Variants in ACTR5 observed in about 807,000 individuals in gnomAD.
ACTR5 encodes actin-related protein 5.
A neutral mutation model predicts 61.2 loss-of-function variants in ACTR5; 43 were observed. That is an observed-to-expected ratio of 0.70 (90% CI 0.55 to 0.91). The LOEUF is 0.91. Among genes scored for constraint, ACTR5 ranks in the 40% least tolerant of loss-of-function variants. ACTR5 has a pLI of 0.00. For missense variants in ACTR5, 798 were observed against 782.2 expected, an observed-to-expected ratio of 1.02 and a Z score of -0.24; for synonymous variants, 333 against 310.5, an observed-to-expected ratio of 1.07 and a Z score of -0.76.
intron 5 of ACTR5, among the ~76,000 whole-genome samples, chr20:38,757,065 A>G (rs1457087252): frequency 2.0e-5 from 3 of 152,312 alleles, no homozygotes; most frequent in South Asian, 4.1e-4. Context: ...AGCTAGGACT[A>G]CAGGTGAACG....
chr20:38,767,360 T>G, intron 7 of ACTR5, 104 bp from the exon 8 acceptor site: 6 of 1,009,416 alleles, frequency 5.9e-6, no homozygotes, highest in Non-Finnish European at 2.7e-6. Context: ...TAGCTTTTTG[T>G]GTAGAAGTTT....
chr20:38,769,590 G>A (rs1429558385), intron 8 of ACTR5, among the ~76,000 whole-genome samples: 2 of 152,248 alleles, frequency 1.3e-5, no homozygotes, highest in Non-Finnish European at 2.9e-5. Flanking sequence ...AGGATAGTAC[G>A]TTCCATTTCC....
intron 5 of ACTR5, chr20:38,761,875 CTG>C (rs972807460): frequency 2.0e-4 from 31 of 152,318 alleles, no homozygotes; most frequent in African/African-American, 7.0e-4. Context: ...AGAAAGGAGA[CTG>C]TGGAGAAGGG....
intron 8 of ACTR5, among the ~76,000 whole-genome samples, chr20:38,770,983 GT>G (rs1464311729): frequency 6.6e-6 from 1 of 152,236 alleles, no homozygotes; most frequent in East Asian, 1.9e-4. Context: ...AAGCTGCAGT[GT>G]TACCATAATG....
rs376328133 is a variant in ACTR5, at chr20:38,750,025, C to A, written c.391C>A (p.Pro131Thr). 1.2e-6 allele frequency: 2 copies of A among 1,613,906 alleles called. No homozygotes were observed. The highest frequency in any genetic ancestry group is 2.7e-5 in the African/African-American group (2 of 74,924). Residue 131 changes from proline (P) to threonine (T), a missense_variant, in exon 2 of 9, where the codon CCC becomes ACC. Transcript: ENST00000243903. ...TTCAAAGTAGGGCTGTGTTGATCAT[C>A]CCATAGTTTTGACAGAAGCTGTGTG... ...GVSSQGCVDH[P>T]IVLTEAVCNP...
Position 38,766,374 on chromosome 20 carries a change from A to G in ACTR5, c.1430A>G (p.Asp477Gly). ...GIAETLQYIL[D>G]RYPKDIQEML... is the part of the protein sequence containing the mutation. ...GCAGAGACTCTTCAGTACATTCTGG[A>G]CAGGTGAGACAGCGAATCTGCTTTT... The change falls in exon 7 of 9, where the codon GAC (aspartate) becomes GGC (glycine). Residue 477 changes from aspartate (D) to glycine (G), a missense_variant. By Grantham distance (94) the Asp-to-Gly change is moderately conservative. Coordinates refer to ENST00000243903, the MANE Select transcript of ACTR5 (RefSeq NM_024855.4). The G allele has an allele frequency of 6.3e-7, 1 of 1,577,462 alleles. No homozygotes were observed. Among genetic ancestry groups the G allele is most frequent in the Non-Finnish European group, 8.6e-7 (1 of 1,165,008 alleles).
intron 8 of ACTR5, among the ~76,000 whole-genome samples, chr20:38,769,674 G>A (rs141121141): frequency 4.4e-4 from 67 of 152,246 alleles, no homozygotes; most frequent in African/African-American, 1.3e-3. Context: ...GGTGGGTAAG[G>A]GGGAAAGCAA....
chr20:38,764,234 G>A (rs770218969), intron 5 of ACTR5, among the ~76,000 whole-genome samples: 65 of 152,020 alleles, frequency 4.3e-4, no homozygotes, highest in Non-Finnish European at 8.1e-4. Context: ...ACTCAATGGC[G>A]CAGTCTCCTC....
In ACTR5 at chr20:38,748,512, C is replaced by G. The variant is rs1196241559; in HGVS notation, c.34C>G (p.Arg12Gly). The G allele has an allele frequency of 2.0e-6, 3 of 1,497,622 alleles. No homozygotes were observed. Among genetic ancestry groups the G allele is most frequent in the South Asian group, 1.3e-5 (1 of 79,756 alleles). The allele number at this position is 1,497,622 out of a possible 1,614,324, so 92.8% of individuals were successfully genotyped here. Residue 12 changes from arginine to glycine, a missense_variant, in exon 1 of 9, where the codon CGT (arginine) becomes GGT (glycine). Transcript: ENST00000243903. ...AANVFPFRDA[R>G]AAPDPVLEAG... ...GAACGTGTTCCCGTTCCGCGACGCC[C>G]GTGCCGCACCGGACCCAGTGCTGGA...
chr20:38,765,661 AT>A (rs1409207020), intron 6 of ACTR5, 143 bp downstream of exon 6: 8 of 674,920 alleles, frequency 1.2e-5, no homozygotes, highest in South Asian at 2.0e-5. Flanking sequence ...GAAATCAGGG[AT>A]TTTTTTCCCC....
intron 8 of ACTR5, among the ~76,000 whole-genome samples, chr20:38,770,130 G>A (rs2084511510): frequency 6.9e-6 from 1 of 144,732 alleles, no homozygotes; most frequent in African/African-American, 2.6e-5. Context: ...TCCTGTTTCT[G>A]CCCCCTTTCA....
rs1356193378 is a variant in ACTR5, at chr20:38,765,513, G to T, written c.1288G>T (p.Val430Phe). The T allele has an allele frequency of 5.6e-6, 9 of 1,612,970 alleles. No individual in the cohort carries two copies. The highest frequency in any genetic ancestry group is 1.3e-5 in the African/African-American group (1 of 74,904). The change falls in exon 6 of 9, where the codon GTT becomes TTT. Residue 430 changes from valine to phenylalanine, a missense_variant. Physicochemically the swap from Val to Phe is conservative, Grantham distance 50. Coordinates refer to ENST00000243903, the MANE Select transcript of ACTR5 (RefSeq NM_024855.4). ...TPGVEKPVTT[V>F]QPVFNLAAYH... ...TGGAGTGGAGAAGCCGGTCACCACT[G>T]TTCAGGTTTGACTTCTACAGCCCAG...
At chr20:38,755,489 C>T (rs942311682) in intron 4 of ACTR5, among the ~76,000 whole-genome samples, 2 of 152,076 alleles carry the variant, frequency 1.3e-5, no homozygotes, top group Admixed American at 1.3e-4. Context: ...AAGTGAAACT[C>T]ACCCGTGTAT....
intron 8 of ACTR5, among the ~76,000 whole-genome samples, chr20:38,768,106 G>A (rs75214130): frequency 6.6e-6 from 1 of 152,288 alleles, no homozygotes; most frequent in East Asian, 1.9e-4. Context: ...GCTCTGCTTT[G>A]CTGCATGATG....
intron 8 of ACTR5, among the ~76,000 whole-genome samples, chr20:38,771,121 A>G (rs1042486911): frequency 6.6e-6 from 1 of 152,102 alleles, no homozygotes; most frequent in Non-Finnish European, 1.5e-5. Context: ...CTCTGCTGCC[A>G]TTTCTCCTGA....
rs760095718 is a variant in ACTR5 at position 38,771,803 on chromosome 20, G to A, written c.1811G>A (p.Gly604Asp). 13 of 1,612,068 alleles carry A rather than the reference G, an allele frequency of 8.1e-6. No individual in the cohort carries two copies. The highest frequency in any genetic ancestry group is 1.0e-5 in the Non-Finnish European group (12 of 1,179,670). The change falls in exon 9 of 9, where the codon GGT becomes GAT. Residue 604 changes from glycine to aspartate, a missense_variant. By Grantham distance (94) the Gly-to-Asp change is moderately conservative. Coordinates refer to ENST00000243903, the MANE Select transcript of ACTR5 (RefSeq NM_024855.4). ...TCCGCTGCTGGTGGAGGTGGTGCTG[G>A]TGAGCAGGCATAGCAGAGGCCCTCC... ...KGSAAGGGGA[G>D]EQA
At chr20:38,749,528 C>G (rs1198211226) in intron 1 of ACTR5, among the ~76,000 whole-genome samples, 1 of 152,170 alleles carries the variant, frequency 6.6e-6, no homozygotes, top group African/African-American at 2.4e-5. Context: ...ACCTTATAGG[C>G]TTTTACTGAG....
chr20:38,766,147 T>C, intron 6 of ACTR5, 91 bp from the exon 7 acceptor site: 4 of 1,410,404 alleles, frequency 2.8e-6, no homozygotes, highest in East Asian at 2.3e-5. Context: ...ACAGAAACTA[T>C]TGGGATTAAG....
Position 38,772,200 on chromosome 20 carries a change from G to A in ACTR5, c.*384G>A, listed in dbSNP as rs965376538. 9 of 205,690 alleles carry A rather than the reference G, an allele frequency of 4.4e-5. No individual in the cohort carries two copies. The highest frequency in any genetic ancestry group is 3.5e-4 in the East Asian group (3 of 8,594). The allele number at this position is 205,690 out of a possible 1,614,324, so 12.7% of individuals were successfully genotyped here. On this transcript the variant is annotated 3_prime_UTR_variant, in exon 9 of 9. Coordinates refer to ENST00000243903, the MANE Select transcript of ACTR5 (RefSeq NM_024855.4). The stretch of plus-strand genomic sequence containing the variant: ...AAATTCTTTAAAATTTATCTTGTCC[G>A]TGTAGATACTTTATTCTTCTGGATG...
Sources: gnomAD v4.1 joint callset for allele counts (sites outside exome capture counted in the v4.1 genomes callset) on GRCh38, gnomAD v4.1.1 for gene constraint, MANE v1.5 for transcripts, NCBI Gene and HGNC (gene_info 2026-07-23, HGNC 2026-07-21) for gene names.